METTL21C: variants seen among roughly 807,000 people sequenced by gnomAD.
METTL21C encodes methyltransferase 21C, AARS1 lysine.
In METTL21C, 21 loss-of-function variants were observed where a neutral mutation model predicts 25.9. That is an observed-to-expected ratio of 0.81 (90% CI 0.58 to 1.17). The LOEUF is 1.17. Among genes scored for constraint, METTL21C ranks in the 50% most tolerant of loss-of-function variants. The pLI is 0.00. For synonymous variants in METTL21C, 125 were observed against 124.7 expected (o/e 1.00, Z -0.01); for missense variants, 312 against 315.1 (o/e 0.99, Z 0.07).
chr13:102,700,884 C>A, the METTL21C span, among the ~76,000 whole-genome samples: 1 of 151,892 alleles, frequency 6.6e-6, no homozygotes, highest in East Asian at 1.9e-4. Context: ...GAGCAGATGC[C>A]TCCAACGCTG....
rs1277688370 is a variant in METTL21C at position 102,687,131 on chromosome 13, A to G, written c.283-74T>C. 20 of 1,060,096 alleles carry G rather than the reference A, an allele frequency of 1.9e-5. No individual in the cohort carries two copies. The South Asian group carries it at 2.3e-4, about 12-fold the overall frequency. The allele number at this position is 1,060,096 out of a possible 1,614,324, so 65.7% of individuals were successfully genotyped here. A position where few individuals can be genotyped will look rare whatever the true frequency, so the allele number is the denominator to read the frequency against. On this transcript the variant is annotated intron_variant, in intron 2 of 3. Coordinates refer to ENST00000267273, the MANE Select transcript of METTL21C (RefSeq NM_001010977.3). ...CAGTAGCAACCCTTTCTGGCACCCA[A>G]ATTTAAATACTAAAAGACATGTTAT...
chr13:102,693,212 T>C (rs1376146572), intron 1 of METTL21C, among the ~76,000 whole-genome samples: 1 of 152,198 alleles, frequency 6.6e-6, no homozygotes, highest in Non-Finnish European at 1.5e-5. Flanking sequence ...AATAGAATAA[T>C]TGATGATGAG....
In METTL21C at chr13:102,690,996, G is replaced by T. The variant is rs754396012; in HGVS notation, c.131-32C>A. 3 of 1,610,964 alleles carry T rather than the reference G, an allele frequency of 1.9e-6. No homozygotes were observed. In the South Asian group the frequency reaches 3.3e-5, roughly 18 times the overall value. On this transcript the variant is annotated intron_variant, in intron 1 of 3. Coordinates refer to ENST00000267273, the MANE Select transcript of METTL21C (RefSeq NM_001010977.3). ...AGCAGAAAAATAAAATGGAGTTCATGATTTGTTCAAATCCAGTGCAAAGAC... is the reference window on the plus strand; with the variant it reads ...AGCAGAAAAATAAAATGGAGTTCATTATTTGTTCAAATCCAGTGCAAAGAC...
chr13:102,690,209 T>C (rs1885789558), intron 2 of METTL21C, among the ~76,000 whole-genome samples: 1 of 152,036 alleles, frequency 6.6e-6, no homozygotes, highest in Non-Finnish European at 1.5e-5. Flanking sequence ...TCACTTGAGG[T>C]CAGGAGTTCA....
intron 2 of METTL21C, among the ~76,000 whole-genome samples, chr13:102,687,449 G>GT (rs1365578562): frequency 6.6e-6 from 1 of 152,184 alleles, no homozygotes; most frequent in Non-Finnish European, 1.5e-5. Context: ...TTGTAAGAGA[G>GT]TTTTTTAAAT....
upstream of METTL21C, among the ~76,000 whole-genome samples, chr13:102,697,841 G>A (rs555051155): frequency 1.3e-5 from 2 of 152,180 alleles, no homozygotes; most frequent in Non-Finnish European, 2.9e-5. Context: ...CACAAGACCA[G>A]CAACAGGAGC....
upstream of METTL21C, among the ~76,000 whole-genome samples, chr13:102,696,897 G>C (rs139774389): frequency 4.6e-3 from 693 of 152,264 alleles, 7 homozygotes; most frequent in African/African-American, 0.016. Context: ...AGACTCCAAA[G>C]GTTCAGGAAG....
At chr13:102,692,441 G>A (rs1885855588) in intron 1 of METTL21C, among the ~76,000 whole-genome samples, 1 of 152,168 alleles carries the variant, frequency 6.6e-6, no homozygotes, top group Admixed American at 6.5e-5. Context: ...ACCATTTGAC[G>A]ATGCCTGTTG....
Position 102,686,417 on chromosome 13 carries a change from C to T in METTL21C, c.409G>A (p.Val137Ile), listed in dbSNP as rs1291343198. 6.2e-7 allele frequency: 1 copy of T among 1,610,052 alleles called. No homozygotes were observed. Among genetic ancestry groups the T allele is most frequent in the South Asian group, 1.1e-5 (1 of 90,560 alleles). Residue 137 changes from valine to isoleucine, a missense_variant, in exon 4 of 4, where the codon GTC becomes ATC. By Grantham distance (29) the Val-to-Ile change is conservative. Coordinates refer to ENST00000267273, the MANE Select transcript of METTL21C (RefSeq NM_001010977.3). Reference protein sequence around the residue: ...SIVASILGAQVTATDLPDVLG... With the variant: ...SIVASILGAQITATDLPDVLG... ...ACATCAGGCAAATCTGTTGCTGTGA[C>T]TTGAGCTCCTAAGAGAAAAAGAAAA...
At chr13:102,689,130 AT>A (rs1468327888) in intron 2 of METTL21C, among the ~76,000 whole-genome samples, 1 of 151,972 alleles carries the variant, frequency 6.6e-6, no homozygotes, top group East Asian at 1.9e-4. Flanking sequence ...GGGTCTCACT[AT>A]GTTGCCCAGG....
the METTL21C span, among the ~76,000 whole-genome samples, chr13:102,703,230 T>C: frequency 6.6e-6 from 1 of 152,208 alleles, no homozygotes; most frequent in African/African-American, 2.4e-5. Context: ...GCCCTTCTCC[T>C]TTCCCCTCCC....
rs1555309394 is a variant in METTL21C at position 102,694,928 on chromosome 13, ACG to A, written c.-432_-431del. Among the ~76,000 whole-genome samples, 11 of 146,424 alleles carry A rather than the reference ACG, an allele frequency of 7.5e-5. No homozygotes were observed. The highest frequency in any genetic ancestry group is 9.9e-5 in the African/African-American group (4 of 40,298). On this transcript the variant is annotated 5_prime_UTR_variant, in exon 1 of 4. It removes the in-frame stop codon of an upstream open reading frame in the 5' UTR. Coordinates refer to ENST00000267273, the MANE Select transcript of METTL21C (RefSeq NM_001010977.3). Reference sequence around the variant, plus strand: ...CACACACACACACACACACACACACACGCACAGTCCTAGCAACATTCAATGGA... The same window carrying A: ...CACACACACACACACACACACACACACACAGTCCTAGCAACATTCAATGGA...
intron 2 of METTL21C, among the ~76,000 whole-genome samples, chr13:102,687,680 C>G (rs1253058796): frequency 2.0e-5 from 3 of 152,320 alleles, no homozygotes; most frequent in East Asian, 1.9e-4. Context: ...TGCAGATCCT[C>G]ATTCAGTAGG....
chr13:102,698,772 T>G (rs1885986223), upstream of METTL21C, among the ~76,000 whole-genome samples: 1 of 152,178 alleles, frequency 6.6e-6, no homozygotes, highest in East Asian at 1.9e-4. Context: ...AAACTCTTTC[T>G]CTGCTGCCTC....
chr13:102,693,283 T>G (rs933796529), intron 1 of METTL21C, among the ~76,000 whole-genome samples: 4 of 152,320 alleles, frequency 2.6e-5, no homozygotes, highest in African/African-American at 7.2e-5. Flanking sequence ...ATCTATTTAA[T>G]CATAAGATTC....
the METTL21C span, among the ~76,000 whole-genome samples, chr13:102,703,522 T>C: frequency 5.9e-5 from 9 of 152,330 alleles, no homozygotes; most frequent in African/African-American, 2.2e-4. Context: ...AGGAGATGAA[T>C]GTAAACTGGG....
At chr13:102,697,947 G>A (rs1335101130), upstream of METTL21C, among the ~76,000 whole-genome samples, 1 of 152,092 alleles carries the variant, frequency 6.6e-6, no homozygotes, top group African/African-American at 2.4e-5. Context: ...GAGCTCCGGT[G>A]GTATTTTTCC....
chr13:102,694,253 C>CA (rs1885894593), intron 1 of METTL21C, 116 bp downstream of exon 1: 2 of 1,221,222 alleles, frequency 1.6e-6, no homozygotes, highest in East Asian at 5.3e-5. Context: ...TTCATTATAG[C>CA]AAAAAATCTA....
chr13:102,685,977 T>A lies in METTL21C; in HGVS notation c.*54A>T. On this transcript the variant is annotated 3_prime_UTR_variant, in exon 4 of 4. Coordinates refer to ENST00000267273, the MANE Select transcript of METTL21C (RefSeq NM_001010977.3). ...AAAGAAGTCTATTACCAAAGCAATT[T>A]CTAACACATTGCTCAAAAGACACAG... The A allele has an allele frequency of 6.6e-7, 1 of 1,515,582 alleles. No homozygotes were observed. The highest frequency in any genetic ancestry group is 8.8e-7 in the Non-Finnish European group (1 of 1,130,384). The allele number at this position is 1,515,582 out of a possible 1,614,324, so 93.9% of individuals were successfully genotyped here.
Sources: allele counts gnomAD v4.1 joint callset (sites outside exome capture counted in the v4.1 genomes callset), GRCh38; gene constraint gnomAD v4.1.1; transcripts MANE v1.5; gene names NCBI Gene and HGNC (gene_info 2026-07-23, HGNC 2026-07-21).